MYL4: variants seen among roughly 807,000 people sequenced by gnomAD.
The protein encoded by MYL4 is myosin light chain 4.
In MYL4, 16 loss-of-function variants were observed where a neutral mutation model predicts 21.6. The observed-to-expected ratio is 0.74, with a 90% CI of 0.50 to 1.12. The LOEUF (loss-of-function observed/expected upper bound fraction) is 1.12. MYL4 is among the 50% of genes most tolerant of loss of function. MYL4 has a pLI of 0.00. For synonymous variants in MYL4, 82 were observed against 95.7 expected (o/e 0.86, Z 0.83); for missense variants, 249 against 252.9 (o/e 0.98, Z 0.11).
At chr17:47,219,808 C>T (rs1465197203) in intron 2 of MYL4, 96 bp from the exon 3 acceptor site, 1 of 1,447,102 alleles carries the variant, frequency 6.9e-7, no homozygotes, top group African/African-American at 1.4e-5. Context: ...TTAACAACCA[C>T]ACTCACCTGC....
At chr17:47,194,502 A>G in the MYL4 span, among the ~76,000 whole-genome samples, 2 of 152,220 alleles carry the variant, frequency 1.3e-5, no homozygotes, top group African/African-American at 4.8e-5. Flanking sequence ...AGTGGCATAT[A>G]TCAGTGTGGC....
At chr17:47,199,240 C>CA (rs141005807), upstream of MYL4, among the ~76,000 whole-genome samples, 615 of 75,984 alleles carry the variant, frequency 8.1e-3, 3 homozygotes, top group African/African-American at 0.02. Flanking sequence ...GACTCTGTCT[C>CA]AAAAAAAAAA....
chr17:47,198,922 G>A (rs2064699245), upstream of MYL4, among the ~76,000 whole-genome samples: 1 of 151,532 alleles, frequency 6.6e-6, no homozygotes. Context: ...GAAGTTCGAA[G>A]TTGCAGTGAG....
At chr17:47,224,823 G>A (rs1258771370), downstream of MYL4, among the ~76,000 whole-genome samples, 1 of 152,136 alleles carries the variant, frequency 6.6e-6, no homozygotes, top group Non-Finnish European at 1.5e-5. Context: ...TCCAGACCCA[G>A]GATTCCAGCT....
At chr17:47,227,488 T>G (rs115758792), downstream of MYL4, among the ~76,000 whole-genome samples, 1,787 of 152,216 alleles carry the variant, frequency 0.012, 28 homozygotes, top group African/African-American at 0.041. Context: ...ACAGACACTT[T>G]TCAATAAAAT....
upstream of MYL4, among the ~76,000 whole-genome samples, chr17:47,204,294 C>T (rs894267353): frequency 7.2e-5 from 11 of 152,210 alleles, no homozygotes; most frequent in Admixed American, 3.9e-4. Flanking sequence ...ACCACACACA[C>T]CAATTCAAAA....
At chr17:47,194,417 A>G in the MYL4 span, among the ~76,000 whole-genome samples, 2 of 152,218 alleles carry the variant, frequency 1.3e-5, no homozygotes, top group Non-Finnish European at 2.9e-5. Context: ...AGTAAGAAAA[A>G]GGAAGGCCAG....
intron 1 of MYL4, among the ~76,000 whole-genome samples, chr17:47,210,142 C>A (rs1227791458): frequency 1.3e-5 from 2 of 152,156 alleles, no homozygotes; most frequent in African/African-American, 2.4e-5. Flanking sequence ...CCCAGACGGG[C>A]CTTTCCTTCT....
chr17:47,225,583 T>A (rs1348517132), downstream of MYL4, among the ~76,000 whole-genome samples: 1 of 152,154 alleles, frequency 6.6e-6, no homozygotes, highest in Non-Finnish European at 1.5e-5. Flanking sequence ...GGAAAACAGA[T>A]CCTTAAATGG....
intron 1 of MYL4, 23 bp downstream of exon 1, chr17:47,209,580 G>C (rs775926636): frequency 1.2e-6 from 2 of 1,614,210 alleles, no homozygotes; most frequent in Non-Finnish European, 1.7e-6. Flanking sequence ...CAGCCATTGG[G>C]ATAGAGGTGG....
chr17:47,205,642 G>A (rs1598648430), upstream of MYL4, among the ~76,000 whole-genome samples: 1 of 152,318 alleles, frequency 6.6e-6, no homozygotes. Context: ...CACTGGGGCT[G>A]CTGAAAACGA....
In MYL4 at chr17:47,223,098, A is replaced by C; in HGVS notation, c.*15+41A>C. Reference sequence around the variant, plus strand: ...CCCTCCTGGTCCCTTCCGGGGTCACATAGGGCCTTAAGAATAACACCATGT... The same window carrying C: ...CCCTCCTGGTCCCTTCCGGGGTCACCTAGGGCCTTAAGAATAACACCATGT... On this transcript the variant is annotated intron_variant, in intron 6 of 6. Transcript: ENST00000393450. 4 of 1,603,698 alleles carry C rather than the reference A, an allele frequency of 2.5e-6. No homozygotes were observed. In the South Asian group the frequency reaches 4.4e-5, roughly 18 times the overall value.
chr17:47,190,313 C>T, the MYL4 span, among the ~76,000 whole-genome samples: 157 of 152,234 alleles, frequency 1.0e-3, 1 homozygote, highest in Non-Finnish European at 1.7e-3. Flanking sequence ...TAAGAGAATT[C>T]GATGTATTAT....
chr17:47,201,478 C>T (rs1304313749), intron 1 of MYL4, among the ~76,000 whole-genome samples: 17 of 149,388 alleles, frequency 1.1e-4, no homozygotes, highest in Admixed American at 8.0e-4. Context: ...TTTTTTGAGG[C>T]GGAGTTTTGC....
chr17:47,212,514 C>A (rs1246549457), intron 1 of MYL4, among the ~76,000 whole-genome samples: 1 of 152,164 alleles, frequency 6.6e-6, no homozygotes, highest in African/African-American at 2.4e-5. Context: ...CTTGCTGTCC[C>A]AGAGTGCCTA....
upstream of MYL4, among the ~76,000 whole-genome samples, chr17:47,206,339 A>G (rs899040060): frequency 6.6e-6 from 1 of 152,038 alleles, no homozygotes; most frequent in East Asian, 1.9e-4. Flanking sequence ...GGGGTGGGGG[A>G]AAAAAGGAAA....
chr17:47,202,562 A>G (rs2064713428), intron 1 of MYL4, among the ~76,000 whole-genome samples: 1 of 152,232 alleles, frequency 6.6e-6, no homozygotes, highest in African/African-American at 2.4e-5. Context: ...TTTTAGCAGA[A>G]TTGACTTGAC....
chr17:47,193,747 CCTTTTTCTTT>C, the MYL4 span, among the ~76,000 whole-genome samples: 1 of 151,480 alleles, frequency 6.6e-6, no homozygotes, highest in South Asian at 2.1e-4. Flanking sequence ...TTTCTTTCTT[CCTTTTTCTTT>C]CTCTTTCCTT....
intron 1 of MYL4, among the ~76,000 whole-genome samples, chr17:47,210,540 A>G (rs1292346671): frequency 6.6e-6 from 1 of 152,094 alleles, no homozygotes; most frequent in East Asian, 1.9e-4. Flanking sequence ...CAGCCTTAGG[A>G]CAGGGCTGGG....
Sources: gnomAD v4.1 joint callset for allele counts (sites outside exome capture counted in the v4.1 genomes callset) on GRCh38, gnomAD v4.1.1 for gene constraint, MANE v1.5 for transcripts, NCBI Gene and HGNC (gene_info 2026-07-23, HGNC 2026-07-21) for gene names.